SMG7: variants seen among roughly 807,000 people sequenced by gnomAD.
SMG7 encodes nonsense-mediated mRNA decay factor SMG7.
A neutral mutation model predicts 148.2 loss-of-function variants in SMG7; 34 were observed. The observed-to-expected ratio is 0.23, with a 90% confidence interval of 0.17 to 0.31. The LOEUF (loss-of-function observed/expected upper bound fraction) is 0.31, where lower values mean the gene tolerates loss of function less well. SMG7 is among the 10% of genes least tolerant of loss of function. The pLI is 1.00. For missense variants in SMG7, 1,114 were observed against 1,408.4 expected, an observed-to-expected ratio of 0.79 and a Z score of 3.35; for synonymous variants, 492 against 515.1, an observed-to-expected ratio of 0.96 and a Z score of 0.61.
At chr1:183,498,067 G>C (rs1386704630) in intron 1 of SMG7, among the ~76,000 whole-genome samples, 1 of 152,128 alleles carries the variant, frequency 6.6e-6, no homozygotes, top group Non-Finnish European at 1.5e-5. Context: ...TGTACTATTT[G>C]TACCACAATA....
chr1:183,510,985 C>A (rs779594039), intron 1 of SMG7, among the ~76,000 whole-genome samples: 4 of 150,718 alleles, frequency 2.7e-5, no homozygotes, highest in African/African-American at 7.3e-5. Flanking sequence ...AGCGAGACTC[C>A]GTCTTAAGAA....
intron 1 of SMG7, among the ~76,000 whole-genome samples, chr1:183,479,351 C>T (rs921088203): frequency 9.2e-5 from 14 of 152,124 alleles, no homozygotes; most frequent in Non-Finnish European, 1.5e-4. Flanking sequence ...CATCCCTGGC[C>T]TCTATCCATT....
At chr1:183,474,450 G>T (rs912677870) in intron 1 of SMG7, among the ~76,000 whole-genome samples, 2 of 152,142 alleles carry the variant, frequency 1.3e-5, no homozygotes, top group Admixed American at 1.3e-4. Context: ...TGTAATGCCG[G>T]CTACTCGGGA....
In SMG7 at chr1:183,542,461, G is replaced by A; in HGVS notation, c.1801G>A (p.Glu601Lys). Residue 601 changes from glutamate (E) to lysine (K), a missense_variant, in exon 14 of 23, where the codon GAA becomes AAA. Transcript: ENST00000688051. ...AACTGAAACCAAGAAATGCACCTTA[G>A]AAAAGTTACAGGAAACAGGAAAGCA... The part of the protein sequence containing the change: ...RKTETKKCTL[E>K]KLQETGKQNV... The A allele has an allele frequency of 1.2e-6, 2 of 1,613,848 alleles. No homozygotes were observed. Among genetic ancestry groups the A allele is most frequent in the Non-Finnish European group, 1.7e-6 (2 of 1,179,900 alleles).
chr1:183,533,641 T>C, intron 9 of SMG7, 35 bp from the exon 10 acceptor site: 1 of 1,577,278 alleles, frequency 6.3e-7, no homozygotes, highest in East Asian at 2.3e-5. Context: ...CAGTTTCATA[T>C]TTCTTATGCT....
rs569609663 is a variant in SMG7 at position 183,530,398 on chromosome 1, G to T, written c.843+865G>T. ...AGTTTTTACAGGTAATCGCTTTTTG[G>T]TTGATACTTTCTATGTGCAAGATAT... is the stretch of plus-strand genomic sequence containing the variant. On this transcript the variant is annotated intron_variant, in intron 8 of 22. Transcript: ENST00000688051. 3.6e-4 allele frequency among the ~76,000 whole-genome samples: 55 copies of T among 152,136 alleles called. 1 individual carries two copies. The South Asian group carries it at 8.9e-3, about 25-fold the overall frequency.
intron 1 of SMG7, among the ~76,000 whole-genome samples, chr1:183,483,561 A>G (rs1398636938): frequency 6.6e-6 from 1 of 152,198 alleles, no homozygotes; most frequent in Non-Finnish European, 1.5e-5. Context: ...AAATTTGGAC[A>G]TTAAAGAGTG....
At chr1:183,498,682 G>A (rs1419209864) in intron 1 of SMG7, among the ~76,000 whole-genome samples, 1 of 152,158 alleles carries the variant, frequency 6.6e-6, no homozygotes, top group Non-Finnish European at 1.5e-5. Context: ...TCACACACAT[G>A]AATAGCCTCC....
At chr1:183,493,239 T>C (rs1280923070) in intron 1 of SMG7, among the ~76,000 whole-genome samples, 1 of 152,164 alleles carries the variant, frequency 6.6e-6, no homozygotes, top group Admixed American at 6.5e-5. Flanking sequence ...CCTCCCAAAG[T>C]GTTGAGATTA....
chr1:183,482,633 A>G (rs1012951720), intron 1 of SMG7, among the ~76,000 whole-genome samples: 32 of 152,148 alleles, frequency 2.1e-4, no homozygotes, highest in African/African-American at 7.2e-4. Context: ...CCATGTTCAC[A>G]TAACTTATTA....
intron 1 of SMG7, among the ~76,000 whole-genome samples, chr1:183,496,310 T>C (rs1218611003): frequency 2.0e-5 from 3 of 152,188 alleles, no homozygotes; most frequent in Admixed American, 2.0e-4. Context: ...ATGGCCCTCA[T>C]GAGACTGTAT....
rs115797408 is a variant in SMG7 at position 183,515,038 on chromosome 1, G to A, written c.62-836G>A. Among the ~76,000 whole-genome samples, 566 of 152,282 alleles carry A rather than the reference G, an allele frequency of 3.7e-3. 1 individual carries two copies. The highest frequency in any genetic ancestry group is 6.3e-3 in the Non-Finnish European group (431 of 68,016). On this transcript the variant is annotated intron_variant, in intron 2 of 22. Coordinates refer to ENST00000688051, the MANE Select transcript of SMG7 (RefSeq NM_001375584.1). The stretch of plus-strand genomic sequence containing the variant: ...CCATTATTAAGTTCACCTACTGAGG[G>A]AGTTTACTGTCAGTTATTGCAATCA...
chr1:183,492,137 CT>C (rs1490211656), intron 1 of SMG7, among the ~76,000 whole-genome samples: 1 of 152,174 alleles, frequency 6.6e-6, no homozygotes, highest in Admixed American at 6.5e-5. Context: ...TAAAAATTTA[CT>C]CCTTAGTTTT....
rs141954443 is a variant in SMG7 at position 183,551,899 on chromosome 1, C to T, written c.3532C>T (p.Arg1178Trp). Residue 1178 changes from arginine to tryptophan, a missense_variant, in exon 23 of 23, where the codon CGG becomes TGG. Arg to Trp is a moderately radical substitution (Grantham distance 101). Coordinates refer to ENST00000688051, the MANE Select transcript of SMG7 (RefSeq NM_001375584.1). ...LLMQQKQKQQ[R>W]GQGTMNPPH is the part of the protein sequence containing the mutation. Reference sequence around the variant, plus strand: ...AATGCAGCAGAAGCAGAAACAGCAACGGGGACAAGGCACCATGAACCCTCC... The same window carrying T: ...AATGCAGCAGAAGCAGAAACAGCAATGGGGACAAGGCACCATGAACCCTCC... 100 of 1,613,614 alleles carry T rather than the reference C, an allele frequency of 6.2e-5. No individual in the cohort carries two copies. The highest frequency in any genetic ancestry group is 1.6e-4 in the Middle Eastern group (1 of 6,076).
intron 16 of SMG7, among the ~76,000 whole-genome samples, chr1:183,545,567 TC>T (rs1195034010): frequency 3.9e-5 from 6 of 152,346 alleles, no homozygotes; most frequent in Admixed American, 3.9e-4. Flanking sequence ...AAATGGATTT[TC>T]TGCAAATAAT....
chr1:183,472,942 G>A (rs752594438), intron 1 of SMG7: 6 of 374,942 alleles, frequency 1.6e-5, no homozygotes, highest in Non-Finnish European at 2.8e-5. Context: ...GTTTGCTAGC[G>A]AGGGGTGGAG....
At chr1:183,490,516 C>A (rs1656681295) in intron 1 of SMG7, among the ~76,000 whole-genome samples, 1 of 152,070 alleles carries the variant, frequency 6.6e-6, no homozygotes. Flanking sequence ...TGTATATCTG[C>A]ATTGAATAAA....
chr1:183,517,860 G>A (rs995583671), intron 4 of SMG7, 40 bp downstream of exon 4: 1 of 1,604,874 alleles, frequency 6.2e-7, no homozygotes. Context: ...TACTATTAGT[G>A]GTAAATATTC....
intron 1 of SMG7, among the ~76,000 whole-genome samples, chr1:183,509,974 T>G (rs1166286930): frequency 1.3e-5 from 2 of 152,202 alleles, no homozygotes; most frequent in Non-Finnish European, 2.9e-5. Flanking sequence ...TACATTACTA[T>G]TATATACCCC....
Sources: allele counts gnomAD v4.1 joint callset (sites outside exome capture counted in the v4.1 genomes callset), GRCh38; gene constraint gnomAD v4.1.1; transcripts MANE v1.5; gene names NCBI Gene and HGNC (gene_info 2026-07-23, HGNC 2026-07-21).